Variants in TET2 observed in about 807,000 individuals in gnomAD.
TET2 encodes the protein methylcytosine dioxygenase TET2.
In TET2, 299 loss-of-function variants were observed where a neutral mutation model predicts 142.9. That is an observed-to-expected ratio of 2.09 (90% confidence interval 1.90 to 2.30). The LOEUF (loss-of-function observed/expected upper bound fraction) is 2.30, where lower values mean the gene tolerates loss of function less well. TET2 is among the 30% of genes most tolerant of loss of function. The pLI, the probability that TET2 is intolerant of heterozygous loss-of-function variation, is 0.00. For synonymous variants in TET2, 819 were observed against 849.0 expected, an observed-to-expected ratio of 0.96 and a Z score of 0.61; for missense variants, 2,418 against 2,378.0, an observed-to-expected ratio of 1.02 and a Z score of -0.35.
intron 2 of TET2, among the ~76,000 whole-genome samples, chr4:105,191,543 A>T (rs1373943156): frequency 6.6e-6 from 1 of 152,206 alleles, no homozygotes; most frequent in Non-Finnish European, 1.5e-5. Flanking sequence ...TTAGTAGGTA[A>T]TTCAGCTTCA....
intron 2 of TET2, among the ~76,000 whole-genome samples, chr4:105,214,466 C>T (rs995427979): frequency 6.9e-6 from 1 of 144,686 alleles, no homozygotes; most frequent in Non-Finnish European, 1.5e-5. Flanking sequence ...GCCACCACAC[C>T]TGGCATTTTT....
chr4:105,168,992 G>A (rs1360780294), intron 1 of TET2, among the ~76,000 whole-genome samples: 1 of 152,122 alleles, frequency 6.6e-6, no homozygotes, highest in Non-Finnish European at 1.5e-5. Context: ...ACCGATTGAC[G>A]AGCATTTGGG....
chr4:105,207,348 T>C (rs1420850052), intron 2 of TET2, among the ~76,000 whole-genome samples: 4 of 152,180 alleles, frequency 2.6e-5, no homozygotes, highest in African/African-American at 9.7e-5. Context: ...AAAGGGAGAC[T>C]AAAGTGAATA....
chr4:105,251,606 T>G (rs1186496869), intron 6 of TET2, among the ~76,000 whole-genome samples: 1 of 144,866 alleles, frequency 6.9e-6, no homozygotes, highest in Non-Finnish European at 1.6e-5. Context: ...TGTGTATTAC[T>G]TTTTATATAT....
intron 1 of TET2, among the ~76,000 whole-genome samples, chr4:105,175,156 T>C (rs1724708221): frequency 6.6e-6 from 1 of 152,122 alleles, no homozygotes; most frequent in Non-Finnish European, 1.5e-5. Context: ...TTACTGAGTA[T>C]ATCATGTCTG....
chr4:105,227,262 C>T (rs1728244879), intron 2 of TET2, among the ~76,000 whole-genome samples: 1 of 152,158 alleles, frequency 6.6e-6, no homozygotes, highest in South Asian at 2.1e-4. Flanking sequence ...CCAGGTTTTC[C>T]CAAAGGTTCT....
intron 2 of TET2, among the ~76,000 whole-genome samples, chr4:105,232,843 A>G (rs975902181): frequency 6.6e-5 from 10 of 152,214 alleles, no homozygotes; most frequent in African/African-American, 2.4e-4. Flanking sequence ...GGTTTTTCAT[A>G]AAGTACACTT....
At chr4:105,273,131 C>T (rs912286283) in intron 10 of TET2, among the ~76,000 whole-genome samples, 3 of 152,158 alleles carry the variant, frequency 2.0e-5, no homozygotes, top group Admixed American at 2.0e-4. Context: ...CTGATGCACC[C>T]CTACCAATAG....
At chr4:105,222,895 A>C (rs1347520614) in intron 2 of TET2, among the ~76,000 whole-genome samples, 1 of 152,146 alleles carries the variant, frequency 6.6e-6, no homozygotes, top group African/African-American at 2.4e-5. Context: ...TTTTTGTATA[A>C]GGTGTAAGGA....
At chr4:105,253,993 C>G (rs192424584) in intron 6 of TET2, among the ~76,000 whole-genome samples, 1 of 152,212 alleles carries the variant, frequency 6.6e-6, no homozygotes, top group East Asian at 1.9e-4. Context: ...AAATTTTGAA[C>G]TAGACTGGCA....
At chr4:105,273,583 C>T (rs1731065813) in intron 10 of TET2, among the ~76,000 whole-genome samples, 1 of 152,106 alleles carries the variant, frequency 6.6e-6, no homozygotes, top group African/African-American at 2.4e-5. Context: ...GGTGACAAAA[C>T]ACTGGAATGA....
intron 2 of TET2, among the ~76,000 whole-genome samples, chr4:105,210,435 C>A (rs552079302): frequency 1.6e-4 from 25 of 152,216 alleles, no homozygotes; most frequent in African/African-American, 5.3e-4. Flanking sequence ...CTTATCTAGT[C>A]ATGGGGCATT....
At chr4:105,248,583 A>G (rs536538617) in intron 6 of TET2, among the ~76,000 whole-genome samples, 1 of 152,322 alleles carries the variant, frequency 6.6e-6, no homozygotes, top group African/African-American at 2.4e-5. Context: ...CAAAATAAAT[A>G]TACCTTTTAG....
chr4:105,218,369 G>A (rs1286418129), intron 2 of TET2, among the ~76,000 whole-genome samples: 1 of 152,062 alleles, frequency 6.6e-6, no homozygotes, highest in Non-Finnish European at 1.5e-5. Flanking sequence ...GTTTGGCTCA[G>A]AAGTTGGACA....
chr4:105,202,500 AT>A (rs1467843299), intron 2 of TET2: 2 of 152,180 alleles, frequency 1.3e-5, no homozygotes, highest in African/African-American at 4.8e-5. Context: ...TCGCAAATTT[AT>A]TTTTTGATCT....
At chr4:105,215,041 T>C (rs768276525) in intron 2 of TET2, among the ~76,000 whole-genome samples, 9 of 152,100 alleles carry the variant, frequency 5.9e-5, no homozygotes, top group Non-Finnish European at 1.3e-4. Context: ...GGTCTGACAC[T>C]GTCTCCGGGA....
rs76442298 is a variant in TET2, at chr4:105,186,326, C to G, written c.-192-4034C>G. Among the ~76,000 whole-genome samples the G allele has an allele frequency of 9.5e-3, 1,447 of 152,084 alleles. 16 individuals are homozygous for G. The highest frequency in any genetic ancestry group is 0.017 in the Non-Finnish European group (1,166 of 67,968). On this transcript the variant is annotated intron_variant, in intron 1 of 10. Transcript: ENST00000380013. ...TCGGCTTAGATTTTTCTTTAACCCC[C>G]TTCATGGCCCTTATCTTAACCTCTG...
At chr4:105,178,692 C>T (rs540507692) in intron 1 of TET2, among the ~76,000 whole-genome samples, 2 of 152,130 alleles carry the variant, frequency 1.3e-5, no homozygotes, top group East Asian at 3.9e-4. Context: ...GAACTTTCTA[C>T]TGTTTTACTG....
intron 1 of TET2, among the ~76,000 whole-genome samples, chr4:105,180,742 C>G (rs189266276): frequency 6.6e-6 from 1 of 152,044 alleles, no homozygotes; most frequent in African/African-American, 2.4e-5. Flanking sequence ...TGAGTTCAAG[C>G]GATTCTCCTG....
Sources: gnomAD v4.1 joint callset for allele counts (sites outside exome capture counted in the v4.1 genomes callset) on GRCh38, gnomAD v4.1.1 for gene constraint, MANE v1.5 for transcripts, NCBI Gene and HGNC (gene_info 2026-07-23, HGNC 2026-07-21) for gene names.